The following CCDC138 variants were observed in gnomAD, a reference collection of about 807,000 sequenced individuals.
The protein encoded by CCDC138 is coiled-coil domain-containing protein 138.
A neutral mutation model predicts 82.3 loss-of-function variants in CCDC138; 66 were observed. The ratio of observed to expected loss-of-function variants is 0.80; its 90% CI spans 0.66 to 0.98. CCDC138 has a LOEUF of 0.98. CCDC138 is among the 50% of genes least tolerant of loss of function. The probability of loss-of-function intolerance (pLI) is 0.00; values close to 1 mark genes in which losing one functional copy is unlikely to be tolerated. For missense variants in CCDC138, 816 were observed against 758.9 expected (o/e 1.08, Z -0.88); for synonymous variants, 297 against 265.4 (o/e 1.12, Z -1.16).
intron 7 of CCDC138, among the ~76,000 whole-genome samples, chr2:108,809,661 AT>A (rs992050550): frequency 6.6e-6 from 1 of 151,944 alleles, no homozygotes; most frequent in Non-Finnish European, 1.5e-5. Flanking sequence ...AATGCTACTG[AT>A]TTTTGTATGT....
intron 13 of CCDC138, among the ~76,000 whole-genome samples, chr2:108,866,698 G>A (rs1481587912): frequency 6.6e-6 from 1 of 152,058 alleles, no homozygotes; most frequent in East Asian, 1.9e-4. Flanking sequence ...GCCTAGCCAA[G>A]ATAGTGAAAC....
intron 4 of CCDC138, among the ~76,000 whole-genome samples, chr2:108,792,178 G>A (rs567884971): frequency 2.6e-4 from 39 of 152,246 alleles, no homozygotes; most frequent in African/African-American, 8.7e-4. Context: ...TAGTTGTGGC[G>A]GGATTTCAAG....
At chr2:108,864,107 A>G (rs531323384) in intron 13 of CCDC138, among the ~76,000 whole-genome samples, 1 of 152,252 alleles carries the variant, frequency 6.6e-6, no homozygotes, top group South Asian at 2.1e-4. Context: ...CTTCTTGGTC[A>G]ACTTTTAAGT....
At chr2:108,843,397 A>T (rs1256067166) in intron 11 of CCDC138, among the ~76,000 whole-genome samples, 1 of 152,190 alleles carries the variant, frequency 6.6e-6, no homozygotes, top group East Asian at 1.9e-4. Flanking sequence ...ACCTCAAGTG[A>T]TCCACCTGCC....
At position 108,857,025 on chromosome 2, in the gene CCDC138, A is replaced by T. The variant is rs1030069046; in HGVS notation, c.1693+55A>T. The T allele has an allele frequency of 1.6e-5, 8 of 505,872 alleles. No individual in the cohort carries two copies. The African/African-American group carries it at 2.0e-4, about 13-fold the overall frequency. The allele number at this position is 505,872 out of a possible 1,614,324, so 31.3% of individuals were successfully genotyped here. Reference sequence around the variant, plus strand: ...AAAGCAGGATGATTTTTCTGTCTTTATCTTGTCTGCATGTATAACTCCACA... The same window carrying T: ...AAAGCAGGATGATTTTTCTGTCTTTTTCTTGTCTGCATGTATAACTCCACA... On this transcript the variant is annotated intron_variant, in intron 13 of 14. Coordinates refer to ENST00000295124, the MANE Select transcript of CCDC138 (RefSeq NM_144978.3).
chr2:108,834,433 T>TTG (rs1468567596), intron 10 of CCDC138, among the ~76,000 whole-genome samples: 1 of 151,948 alleles, frequency 6.6e-6, no homozygotes, highest in Non-Finnish European at 1.5e-5. Flanking sequence ...CAGGCTGGTA[T>TTG]TGAACAGCTG....
chr2:108,824,380 C>T (rs952624577), intron 10 of CCDC138, among the ~76,000 whole-genome samples: 1 of 151,862 alleles, frequency 6.6e-6, no homozygotes, highest in Non-Finnish European at 1.5e-5. Context: ...TTTACTTTCT[C>T]GACTATTCTG....
chr2:108,791,456 T>C (rs1679887077), intron 3 of CCDC138: 2 of 533,348 alleles, frequency 3.7e-6, no homozygotes, highest in South Asian at 3.4e-5. Flanking sequence ...TTAAATTAAG[T>C]CTATTTAATG....
downstream of CCDC138, chr2:108,878,592 C>A: frequency 5.9e-6 from 1 of 169,208 alleles, no homozygotes; most frequent in South Asian, 1.4e-4. Context: ...TGGTTTTTCT[C>A]TTTGTGTATA....
intron 2 of CCDC138, 137 bp from the exon 3 acceptor site, chr2:108,788,715 G>T: frequency 1.6e-6 from 2 of 1,229,616 alleles, no homozygotes; most frequent in Non-Finnish European, 2.2e-6. Context: ...GCGAGACTCC[G>T]TCTCAAAGAA....
At chr2:108,842,478 G>T (rs1216188678) in intron 11 of CCDC138, among the ~76,000 whole-genome samples, 2 of 152,080 alleles carry the variant, frequency 1.3e-5, no homozygotes, top group Non-Finnish European at 2.9e-5. Context: ...GCCCTTATTG[G>T]AGTCCAGGAT....
chr2:108,853,912 TA>T (rs1292028352), intron 12 of CCDC138, among the ~76,000 whole-genome samples: 3 of 123,024 alleles, frequency 2.4e-5, no homozygotes, highest in African/African-American at 9.9e-5. Flanking sequence ...ATATATTATA[TA>T]GTATATATAT....
intron 7 of CCDC138, among the ~76,000 whole-genome samples, chr2:108,809,012 G>C (rs181113630): frequency 6.6e-6 from 1 of 152,006 alleles, no homozygotes; most frequent in Non-Finnish European, 1.5e-5. Flanking sequence ...GGGAGATGGG[G>C]GTCTAGTTTT....
chr2:108,794,558 C>T lies in CCDC138; in HGVS notation c.413C>T (p.Thr138Met), dbSNP rs776055875. 1.9e-6 allele frequency: 3 copies of T among 1,609,540 alleles called. No homozygotes were observed. The highest frequency in any genetic ancestry group is 1.7e-6 in the Non-Finnish European group (2 of 1,178,196). Reference protein sequence around the residue: ...EIEKVALPTNTTSSRPRTECC... With the variant: ...EIEKVALPTNMTSSRPRTECC... ...TTTGCAGTTGCCTTGCCAACTAATACGACCTCATCGAGACCTCGGACTGAG... is the reference window on the plus strand; with the variant it reads ...TTTGCAGTTGCCTTGCCAACTAATATGACCTCATCGAGACCTCGGACTGAG... Residue 138 changes from threonine to methionine, a missense_variant, in exon 5 of 15, where the codon ACG (threonine) becomes ATG (methionine). Transcript: ENST00000295124.
chr2:108,827,677 G>A (rs1421871071), intron 10 of CCDC138, among the ~76,000 whole-genome samples: 3 of 152,084 alleles, frequency 2.0e-5, no homozygotes, highest in East Asian at 1.9e-4. Context: ...TTAGCCAGGC[G>A]TGGTGGCAGG....
In CCDC138 at chr2:108,794,638, A is replaced by G. The variant is rs1680546625; in HGVS notation, c.493A>G (p.Lys165Glu). 6.2e-7 allele frequency: 1 copy of G among 1,614,140 alleles called. No individual in the cohort carries two copies. ...PLKPVSCPKSKASDKRSLLPH... is the reference protein window; with the variant it reads ...PLKPVSCPKSEASDKRSLLPH... Reference sequence around the variant, plus strand: ...GAAACCTGTCAGCTGTCCAAAATCTAAAGCATCAGACAAGCGGAGTTTACT... The same window carrying G: ...GAAACCTGTCAGCTGTCCAAAATCTGAAGCATCAGACAAGCGGAGTTTACT... The change falls in exon 5 of 15, where the codon AAA becomes GAA. Residue 165 changes from lysine (K) to glutamate (E), a missense_variant. Physicochemically the swap from Lys to Glu is moderately conservative, Grantham distance 56. Transcript: ENST00000295124.
At position 108,788,927 on chromosome 2, in the gene CCDC138, C is replaced by T; in HGVS notation, c.227C>T (p.Thr76Ile). ...TCTGATGAAAGCAAGCATTGTAGAACACCATTGGGCAGCTTATTCAAGCAC... is the reference window on the plus strand; with the variant it reads ...TCTGATGAAAGCAAGCATTGTAGAATACCATTGGGCAGCTTATTCAAGCAC... ...KYSDESKHCR[T>I]PLGSLFKHVN... The change falls in exon 3 of 15, where the codon ACA becomes ATA. Residue 76 changes from threonine (T) to isoleucine (I), a missense_variant. Transcript: ENST00000295124. The T allele has an allele frequency of 6.2e-7, 1 of 1,614,080 alleles. No homozygotes were observed. The highest frequency in any genetic ancestry group is 8.5e-7 in the Non-Finnish European group (1 of 1,179,988).
At chr2:108,851,267 G>C (rs1178230524) in intron 12 of CCDC138, among the ~76,000 whole-genome samples, 2 of 152,188 alleles carry the variant, frequency 1.3e-5, no homozygotes, top group East Asian at 3.9e-4. Flanking sequence ...GAAGCTCTCT[G>C]AACCCATTTC....
At chr2:108,823,269 A>G (rs1686009585) in intron 10 of CCDC138, among the ~76,000 whole-genome samples, 1 of 152,232 alleles carries the variant, frequency 6.6e-6, no homozygotes, top group South Asian at 2.1e-4. Flanking sequence ...AAAGGGAGGT[A>G]ACACTTCCAC....
Sources: gnomAD v4.1 joint callset for allele counts (sites outside exome capture counted in the v4.1 genomes callset) on GRCh38, gnomAD v4.1.1 for gene constraint, MANE v1.5 for transcripts, NCBI Gene and HGNC (gene_info 2026-07-23, HGNC 2026-07-21) for gene names.